The following ADRA1A variants were observed in gnomAD, a reference collection of about 807,000 sequenced individuals.
The protein encoded by ADRA1A is alpha-1A adrenergic receptor.
A neutral mutation model predicts 29.6 loss-of-function variants in ADRA1A; 31 were observed. The ratio of observed to expected loss-of-function variants is 1.05; its 90% CI spans 0.79 to 1.41. The LOEUF (loss-of-function observed/expected upper bound fraction) is 1.41. Ranked by LOEUF, ADRA1A falls within the 40% of genes most tolerant of loss-of-function variation. The pLI is 0.00. For missense variants in ADRA1A, 619 were observed against 601.1 expected, an observed-to-expected ratio of 1.03 and a Z score of -0.31; for synonymous variants, 311 against 254.3, an observed-to-expected ratio of 1.22 and a Z score of -2.12.
chr8:26,837,386 C>A (rs146826254), intron 2 of ADRA1A, among the ~76,000 whole-genome samples: 56 of 152,254 alleles, frequency 3.7e-4, no homozygotes, highest in African/African-American at 1.3e-3. Flanking sequence ...CATGGCAACT[C>A]ACACCGGTAA....
At chr8:26,814,967 T>C (rs778630696) in intron 2 of ADRA1A, among the ~76,000 whole-genome samples, 28 of 152,314 alleles carry the variant, frequency 1.8e-4, no homozygotes, top group Middle Eastern at 3.4e-3. Context: ...GTGAATGCCC[T>C]TTTTCAGGTA....
intron 2 of ADRA1A, among the ~76,000 whole-genome samples, chr8:26,818,697 T>A (rs993597270): frequency 7.2e-5 from 11 of 151,746 alleles, no homozygotes; most frequent in Non-Finnish European, 1.3e-4. Flanking sequence ...CCTCTGGAAA[T>A]GAGGTACAGA....
chr8:26,859,704 C>T (rs922523340), intron 2 of ADRA1A, among the ~76,000 whole-genome samples: 6 of 151,984 alleles, frequency 3.9e-5, no homozygotes, highest in Admixed American at 6.6e-5. Context: ...ATCCTTTGCA[C>T]TACTGAGCAG....
Position 26,796,914 on chromosome 8 carries a change from T to C in ADRA1A, c.884-26248A>G, listed in dbSNP as rs114525134. Among the ~76,000 whole-genome samples, 2,631 of 152,198 alleles carry C rather than the reference T, an allele frequency of 0.017. 66 individuals are homozygous for C. Among genetic ancestry groups the C allele is most frequent in the African/African-American group, 0.057 (2,377 of 41,536 alleles). On this transcript the variant is annotated intron_variant, in intron 2 of 2. Transcript: ENST00000380573. This position sits in a 1 kb window ranked among gnomAD's most constrained non-coding sequence, Gnocchi z 5.0. Reference sequence around the variant, plus strand: ...TATTCCCTCACTGCGCAAATTTTTATAGAGATGAGACTGGAATTGAGAGTG... The same window carrying C: ...TATTCCCTCACTGCGCAAATTTTTACAGAGATGAGACTGGAATTGAGAGTG...
chr8:26,838,580 C>A (rs1050801027), intron 2 of ADRA1A, among the ~76,000 whole-genome samples: 4 of 152,312 alleles, frequency 2.6e-5, no homozygotes, highest in Admixed American at 2.0e-4. Flanking sequence ...CAATTTAGAG[C>A]TTACAAGATG....
At chr8:26,773,861 C>T (rs1343027639) in intron 2 of ADRA1A, among the ~76,000 whole-genome samples, 1 of 152,170 alleles carries the variant, frequency 6.6e-6, no homozygotes, top group Non-Finnish European at 1.5e-5. Flanking sequence ...TCTCTCTAGT[C>T]TCTTGCTGTG....
In ADRA1A at chr8:26,865,166, A is replaced by C; in HGVS notation, c.-197T>G. 1 of 1,417,618 alleles carries C rather than the reference A, an allele frequency of 7.1e-7. No individual in the cohort carries two copies. The highest frequency in any genetic ancestry group is 9.2e-7 in the Non-Finnish European group (1 of 1,089,076). 87.8% of individuals were successfully genotyped at this position (1,417,618 alleles called of 1,614,324 possible). A position where few individuals can be genotyped will look rare whatever the true frequency, so the allele number is the denominator to read the frequency against. ...GCCCTGGGAACCCTCAGAAGGCCAC[A>C]TGAAGGGGCAGGGCATTAAAGACAT... is the stretch of plus-strand genomic sequence containing the variant. On this transcript the variant is annotated 5_prime_UTR_variant, in exon 2 of 3. The change abolishes an upstream ATG in the 5' untranslated region. Transcript: ENST00000380573. This position sits in a 1 kb window ranked among gnomAD's most constrained non-coding sequence, Gnocchi z 7.6.
chr8:26,769,908 A>G lies in ADRA1A; in HGVS notation c.*241T>C, dbSNP rs1806011493. The stretch of plus-strand genomic sequence containing the variant: ...TTGAAGTGGGCACAGAGTGACCAAG[A>G]AAGCATTAGCTGCAGGGAAATGCTG... On this transcript the variant is annotated 3_prime_UTR_variant, in exon 3 of 3. Transcript: ENST00000380573. 1 of 1,255,590 alleles carries G rather than the reference A, an allele frequency of 8.0e-7. No homozygotes were observed. Among genetic ancestry groups the G allele is most frequent in the Non-Finnish European group, 1.0e-6 (1 of 1,001,538 alleles). 77.8% of individuals were successfully genotyped at this position (1,255,590 alleles called of 1,614,324 possible). A position where few individuals can be genotyped will look rare whatever the true frequency, so the allele number is the denominator to read the frequency against.
Position 26,780,468 on chromosome 8 carries a change from C to T in ADRA1A, c.884-9802G>A, listed in dbSNP as rs557186684. Among the ~76,000 whole-genome samples, 32 of 152,344 alleles carry T rather than the reference C, an allele frequency of 2.1e-4. 1 individual carries two copies. In the East Asian group the frequency reaches 6.0e-3, roughly 29 times the overall value. ...TTCTGCTCTTCACTCAGTGACCTCT[C>T]TCCCCTGTATCTACTCAAACTTGAA... On this transcript the variant is annotated intron_variant, in intron 2 of 2. Coordinates refer to ENST00000380573, the MANE Select transcript of ADRA1A (RefSeq NM_000680.4).
In ADRA1A at chr8:26,775,469, T is replaced by C. The variant is rs147270849; in HGVS notation, c.884-4803A>G. On this transcript the variant is annotated intron_variant, in intron 2 of 2. Transcript: ENST00000380573. This position sits in a 1 kb window ranked among gnomAD's most constrained non-coding sequence, Gnocchi z 4.1. ...CTCTAGTTTTTCTCATGATGCTTCA[T>C]AGGAAGAGCCAGACTTCCAAATCAC... Among the ~76,000 whole-genome samples, 149 of 152,312 alleles carry C rather than the reference T, an allele frequency of 9.8e-4. No individual in the cohort carries two copies. The highest frequency in any genetic ancestry group is 1.9e-3 in the Non-Finnish European group (132 of 68,028).
rs1472769852 is a variant in ADRA1A, at chr8:26,865,561, T to C, written c.-592A>G. On this transcript the variant is annotated 5_prime_UTR_variant, in exon 2 of 3. Transcript: ENST00000380573. This position sits in a 1 kb window ranked among gnomAD's most constrained non-coding sequence, Gnocchi z 7.6. ...GAGCTGCCCCACCGAAGGCTCCTGC[T>C]CTCTCCAGCTTCTAGGAGCACAGGT... 1.0e-6 allele frequency: 1 copy of C among 991,150 alleles called. No individual in the cohort carries two copies. Among genetic ancestry groups the C allele is most frequent in the Non-Finnish European group, 1.2e-6 (1 of 833,648 alleles). 61.4% of individuals were successfully genotyped at this position (991,150 alleles called of 1,614,324 possible).
chr8:26,763,917 A>C (rs1056281634), downstream of ADRA1A, among the ~76,000 whole-genome samples: 2 of 152,148 alleles, frequency 1.3e-5, no homozygotes, highest in East Asian at 3.8e-4. The surrounding 1 kb of genome is among the most constrained non-coding windows in gnomAD (Gnocchi z 4.5). Flanking sequence ...TCACATACAG[A>C]AAAGGTTTGC....
chr8:26,757,684 G>A (rs1805266594), intron 2 of ADRA1A, among the ~76,000 whole-genome samples: 3 of 152,114 alleles, frequency 2.0e-5, no homozygotes, highest in Admixed American at 2.0e-4. Context: ...TTCATGATTG[G>A]GAATTTGTGG....
chr8:26,859,231 A>G, intron 2 of ADRA1A: 1 of 1,236,832 alleles, frequency 8.1e-7, no homozygotes, highest in Non-Finnish European at 1.1e-6. Flanking sequence ...ATGATAGTAT[A>G]TTTATTCTTC....
At chr8:26,760,908 G>A (rs1043879652), downstream of ADRA1A, among the ~76,000 whole-genome samples, 1 of 152,160 alleles carries the variant, frequency 6.6e-6, no homozygotes. Flanking sequence ...GAGCCTTTCT[G>A]GGTGGATCTT....
chr8:26,826,523 G>T (rs556813712), intron 2 of ADRA1A, among the ~76,000 whole-genome samples: 3 of 152,140 alleles, frequency 2.0e-5, no homozygotes, highest in Non-Finnish European at 2.9e-5. Context: ...TGGCCAAAAA[G>T]TCTATTTTGT....
intron 2 of ADRA1A, among the ~76,000 whole-genome samples, chr8:26,758,075 G>C (rs537105263): frequency 6.6e-6 from 1 of 152,198 alleles, no homozygotes; most frequent in Non-Finnish European, 1.5e-5. Flanking sequence ...TAGTTTGCCT[G>C]ATTTTTAAAA....
At chr8:26,749,692 G>A (rs1227388842) in intron 2 of ADRA1A, among the ~76,000 whole-genome samples, 1 of 152,182 alleles carries the variant, frequency 6.6e-6, no homozygotes, top group East Asian at 1.9e-4. Context: ...TACCCACAGA[G>A]AGGAAGAAAT....
intron 2 of ADRA1A, among the ~76,000 whole-genome samples, chr8:26,857,213 C>T (rs1328475883): frequency 6.6e-6 from 1 of 152,100 alleles, no homozygotes; most frequent in African/African-American, 2.4e-5. Flanking sequence ...GAACAGAGGC[C>T]ACCAAGACTC....
Sources: gnomAD v4.1 joint callset for allele counts (sites outside exome capture counted in the v4.1 genomes callset) on GRCh38, gnomAD v4.1.1 for gene constraint, Gnocchi (gnomAD v3.1) non-coding constraint, MANE v1.5 for transcripts, NCBI Gene and HGNC (gene_info 2026-07-23, HGNC 2026-07-21) for gene names.